DACH1: variants seen among roughly 807,000 people sequenced by gnomAD.
DACH1 encodes dachshund family transcription factor 1.
In DACH1, 12 loss-of-function variants were observed where a neutral mutation model predicts 54.2. That is an observed-to-expected ratio of 0.22 (90% CI 0.14 to 0.36). The LOEUF (loss-of-function observed/expected upper bound fraction) is 0.36, where lower values mean the gene tolerates loss of function less well. Ranked by LOEUF, DACH1 falls within the 10% of genes least tolerant of loss-of-function variation. The pLI is 1.00. For missense variants in DACH1, 805 were observed against 929.8 expected (o/e 0.87, Z 1.75); for synonymous variants, 386 against 366.2 (o/e 1.05, Z -0.62).
chr13:71,524,957 A>T (rs1251336908), intron 6 of DACH1, among the ~76,000 whole-genome samples: 1 of 152,134 alleles, frequency 6.6e-6, no homozygotes, highest in Non-Finnish European at 1.5e-5. Context: ...GCAGGACCTT[A>T]AAAAGGCTGG....
chr13:71,702,238 C>A (rs1406440458), intron 1 of DACH1, among the ~76,000 whole-genome samples: 1 of 152,054 alleles, frequency 6.6e-6, no homozygotes, highest in African/African-American at 2.4e-5. Flanking sequence ...TTTATATAAA[C>A]TTCCCCTTTA....
intron 3 of DACH1, among the ~76,000 whole-genome samples, chr13:71,582,274 G>A (rs1263782414): frequency 6.6e-6 from 1 of 152,030 alleles, no homozygotes; most frequent in African/African-American, 2.4e-5. Flanking sequence ...TTGTATTAAT[G>A]CATTTTTATA....
intron 1 of DACH1, among the ~76,000 whole-genome samples, chr13:71,780,404 T>C (rs1594212872): frequency 6.6e-6 from 1 of 152,316 alleles, no homozygotes; most frequent in Admixed American, 6.5e-5. Context: ...GCACTTTATG[T>C]ATATTTAGAT....
At chr13:71,718,668 A>G (rs922929295) in intron 1 of DACH1, among the ~76,000 whole-genome samples, 2 of 151,614 alleles carry the variant, frequency 1.3e-5, no homozygotes, top group Non-Finnish European at 2.9e-5. Flanking sequence ...GTATATCAGG[A>G]TGTTGTAAAA....
intron 1 of DACH1, among the ~76,000 whole-genome samples, chr13:71,735,188 CGT>C (rs745461511): frequency 0.18 from 12,865 of 70,544 alleles, 4,571 homozygotes; most frequent in Non-Finnish European, 0.29. Flanking sequence ...ATGGGATATA[CGT>C]ATGTATATGG....
At chr13:71,508,274 C>T (rs554339651) in intron 6 of DACH1, among the ~76,000 whole-genome samples, 184 of 152,204 alleles carry the variant, frequency 1.2e-3, no homozygotes, top group Admixed American at 3.1e-3. Flanking sequence ...GGCCTGAATT[C>T]ATTGTGAATT....
chr13:71,466,383 A>C (rs556412120), intron 10 of DACH1, among the ~76,000 whole-genome samples: 1 of 152,144 alleles, frequency 6.6e-6, no homozygotes, highest in South Asian at 2.1e-4. Context: ...TTTTCTGTTA[A>C]TAACTCTCTG....
intron 3 of DACH1, among the ~76,000 whole-genome samples, chr13:71,599,186 G>T (rs1874319586): frequency 6.6e-6 from 1 of 152,100 alleles, no homozygotes; most frequent in Non-Finnish European, 1.5e-5. Flanking sequence ...TAAAAAATGA[G>T]TTTTAACAGA....
intron 2 of DACH1, among the ~76,000 whole-genome samples, chr13:71,652,417 G>A (rs983355304): frequency 1.3e-5 from 2 of 151,950 alleles, no homozygotes; most frequent in African/African-American, 4.8e-5. Flanking sequence ...CAATGCTTAG[G>A]CTTTCATAAC....
At chr13:71,735,258 T>C (rs116033397) in intron 1 of DACH1, among the ~76,000 whole-genome samples, 5,182 of 46,944 alleles carry the variant, frequency 0.11, 1,002 homozygotes, top group African/African-American at 0.17. Flanking sequence ...GGGATATACG[T>C]GTATATGGGA....
At chr13:71,632,006 G>A (rs1033725028) in intron 2 of DACH1, among the ~76,000 whole-genome samples, 3 of 152,042 alleles carry the variant, frequency 2.0e-5, no homozygotes, top group African/African-American at 7.2e-5. Context: ...GCTGAGGTAG[G>A]AGAATCAGTT....
At chr13:71,668,994 T>C (rs893137366) in intron 2 of DACH1, among the ~76,000 whole-genome samples, 1 of 152,138 alleles carries the variant, frequency 6.6e-6, no homozygotes, top group African/African-American at 2.4e-5. Flanking sequence ...AAAGAACCCA[T>C]AATTCCCAGA....
chr13:71,787,748 C>T (rs914429858), intron 1 of DACH1, among the ~76,000 whole-genome samples: 2 of 152,072 alleles, frequency 1.3e-5, no homozygotes, highest in Admixed American at 6.6e-5. Flanking sequence ...TGAGTATTCC[C>T]GGGCCATAGT....
In DACH1 at chr13:71,748,894, CTTTCTCTTTCTTTCTT is replaced by C. The variant is rs1413512891; in HGVS notation, c.849-67000_849-66985del. ...TCTTTCTTTCTTTCTTTCTTTCTTT[CTTTCTCTTTCTTTCTT>C]TCTTTCTTTCTTTCTTTCTTTCTTT... On this transcript the variant is annotated intron_variant, in intron 1 of 10. Coordinates refer to ENST00000613252, the MANE Select transcript of DACH1 (RefSeq NM_080759.6). 4.0e-3 allele frequency among the ~76,000 whole-genome samples: 342 copies of C among 86,490 alleles called. 1 individual carries two copies. The highest frequency in any genetic ancestry group is 0.016 in the South Asian group (30 of 1,900). 56.7% of individuals were successfully genotyped at this position (86,490 alleles called of 152,430 possible).
chr13:71,606,228 A>T (rs1250321418), intron 3 of DACH1, among the ~76,000 whole-genome samples: 1 of 152,082 alleles, frequency 6.6e-6, no homozygotes, highest in Non-Finnish European at 1.5e-5. Flanking sequence ...GAGGAGAAAC[A>T]GAATAAAATT....
At chr13:71,797,095 TTTG>T (rs1887087572) in intron 1 of DACH1, among the ~76,000 whole-genome samples, 1 of 152,156 alleles carries the variant, frequency 6.6e-6, no homozygotes, top group Admixed American at 6.6e-5. Flanking sequence ...CCTTTCTCAC[TTTG>T]TTAACTCAGG....
At chr13:71,476,919 C>T (rs1877569626) in intron 8 of DACH1, among the ~76,000 whole-genome samples, 1 of 151,172 alleles carries the variant, frequency 6.6e-6, no homozygotes, top group African/African-American at 2.4e-5. Context: ...AAATGCTTCT[C>T]TTAGTCATGA....
chr13:71,853,068 A>C (rs1258253423), intron 1 of DACH1, among the ~76,000 whole-genome samples: 1 of 152,170 alleles, frequency 6.6e-6, no homozygotes, highest in Admixed American at 6.5e-5. Flanking sequence ...TCTGGAAAAA[A>C]CAGACAAGTA....
intron 3 of DACH1, among the ~76,000 whole-genome samples, chr13:71,579,782 T>C (rs1046509556): frequency 7.9e-5 from 12 of 152,106 alleles, no homozygotes; most frequent in African/African-American, 2.7e-4. Flanking sequence ...GGTAAAATAC[T>C]ATATGTGCAG....
Sources: gnomAD v4.1 joint callset for allele counts (sites outside exome capture counted in the v4.1 genomes callset) on GRCh38, gnomAD v4.1.1 for gene constraint, MANE v1.5 for transcripts, NCBI Gene and HGNC (gene_info 2026-07-23, HGNC 2026-07-21) for gene names.